B3GALT1: variants seen among roughly 807,000 people sequenced by gnomAD.
B3GALT1 encodes the protein UDP-Gal:betaGlcNAc beta 1,3-galactosyltransferase, polypeptide 1.
A neutral mutation model predicts 23.2 loss-of-function variants in B3GALT1; 10 were observed. The ratio of observed to expected loss-of-function variants is 0.43; its 90% confidence interval spans 0.27 to 0.73. The LOEUF is 0.73. Ranked by LOEUF, B3GALT1 falls within the 30% of genes least tolerant of loss-of-function variation. The pLI, the probability that B3GALT1 is intolerant of heterozygous loss-of-function variation, is 0.21. For synonymous variants in B3GALT1, 156 were observed against 141.5 expected (o/e 1.10, Z -0.73); for missense variants, 299 against 405.4 (o/e 0.74, Z 2.25).
chr2:167,421,993 C>T (rs1698552309), intron 1 of B3GALT1, among the ~76,000 whole-genome samples: 1 of 150,942 alleles, frequency 6.6e-6, no homozygotes, highest in South Asian at 2.1e-4. Context: ...TTCTAACTCC[C>T]AGTGTGATGG....
Position 167,872,130 on chromosome 2 carries a change from C to T in B3GALT1, c.*2110C>T, listed in dbSNP as rs1021989101. 1 of 151,756 alleles carries T rather than the reference C, an allele frequency of 6.6e-6. No homozygotes were observed. The highest frequency in any genetic ancestry group is 2.4e-5 in the African/African-American group (1 of 41,320). The allele number at this position is 151,756 out of a possible 1,614,324, so 9.4% of individuals were successfully genotyped here. On this transcript the variant is annotated 3_prime_UTR_variant, in exon 5 of 5. Transcript: ENST00000392690. ...TGTTAGCCAGGATGGTCTCGATCTCCTGACCTCGTGATCCGCCCGCCTCGG... is the reference window on the plus strand; with the variant it reads ...TGTTAGCCAGGATGGTCTCGATCTCTTGACCTCGTGATCCGCCCGCCTCGG...
intron 2 of B3GALT1, among the ~76,000 whole-genome samples, chr2:167,620,892 C>T (rs1558927111): frequency 2.0e-5 from 3 of 151,902 alleles, no homozygotes; most frequent in Non-Finnish European, 4.4e-5. Flanking sequence ...AATATTAATA[C>T]TAATCAGCCT....
chr2:167,855,862 T>G (rs1689991508), intron 4 of B3GALT1, among the ~76,000 whole-genome samples: 1 of 152,124 alleles, frequency 6.6e-6, no homozygotes, highest in African/African-American at 2.4e-5. Context: ...GCAAATAGCT[T>G]GGAATTTCTT....
intron 2 of B3GALT1, among the ~76,000 whole-genome samples, chr2:167,602,300 C>T (rs1395200177): frequency 6.6e-6 from 1 of 152,034 alleles, no homozygotes; most frequent in African/African-American, 2.4e-5. Context: ...TAAATGAGCT[C>T]CCAGCAAAGA....
intron 1 of B3GALT1, among the ~76,000 whole-genome samples, chr2:167,433,238 T>C (rs1698731063): frequency 6.6e-6 from 1 of 152,172 alleles, no homozygotes; most frequent in Non-Finnish European, 1.5e-5. Context: ...ACATTTAAGT[T>C]TCCTCCATGT....
chr2:167,514,386 T>G (rs544117008), intron 2 of B3GALT1, among the ~76,000 whole-genome samples: 2 of 152,164 alleles, frequency 1.3e-5, no homozygotes, highest in African/African-American at 4.8e-5. Flanking sequence ...TGACATTAAT[T>G]TTTGAACATT....
chr2:167,551,172 C>T (rs1410656361), intron 2 of B3GALT1, among the ~76,000 whole-genome samples: 6 of 152,324 alleles, frequency 3.9e-5, no homozygotes. Context: ...AGAATATAGT[C>T]TACCTGTGTG....
At chr2:167,738,214 C>T (rs76537919) in intron 3 of B3GALT1, among the ~76,000 whole-genome samples, 21,424 of 152,022 alleles carry the variant, frequency 0.14, 1,706 homozygotes, top group South Asian at 0.2. Flanking sequence ...GAAAATGTTT[C>T]GAGAAGCACA....
chr2:167,408,807 A>AACAC (rs1553517665), intron 1 of B3GALT1, among the ~76,000 whole-genome samples: 4 of 138,078 alleles, frequency 2.9e-5, no homozygotes, highest in African/African-American at 1.1e-4. Flanking sequence ...ACAAAAAAAA[A>AACAC]AAAAAACAAA....
chr2:167,634,403 A>T (rs183190707), intron 2 of B3GALT1, among the ~76,000 whole-genome samples: 92 of 152,262 alleles, frequency 6.0e-4, no homozygotes, highest in African/African-American at 2.1e-3. Flanking sequence ...AAATCAATGA[A>T]TCCAGGAGCT....
chr2:167,686,876 C>G (rs1414108746), intron 3 of B3GALT1, among the ~76,000 whole-genome samples: 1 of 152,202 alleles, frequency 6.6e-6, no homozygotes, highest in African/African-American at 2.4e-5. Flanking sequence ...AGCAGCACGT[C>G]AGGCCCTCTG....
At chr2:167,827,487 G>A (rs914495298) in intron 4 of B3GALT1, among the ~76,000 whole-genome samples, 3 of 152,190 alleles carry the variant, frequency 2.0e-5, no homozygotes, top group Non-Finnish European at 2.9e-5. Flanking sequence ...ACCTAGGTGA[G>A]ACTGAATGGG....
chr2:167,640,668 A>G (rs1007265256), intron 2 of B3GALT1, among the ~76,000 whole-genome samples: 2 of 152,098 alleles, frequency 1.3e-5, no homozygotes, highest in African/African-American at 2.4e-5. Flanking sequence ...GAATAGTATT[A>G]TTAAAAACAT....
At chr2:167,708,598 T>C (rs2105516170) in intron 3 of B3GALT1, among the ~76,000 whole-genome samples, 1 of 152,158 alleles carries the variant, frequency 6.6e-6, no homozygotes, top group East Asian at 1.9e-4. Context: ...GAAGCAGAGG[T>C]TGCGGTGAGC....
chr2:167,536,712 C>A (rs1683434180), intron 2 of B3GALT1, among the ~76,000 whole-genome samples: 1 of 152,104 alleles, frequency 6.6e-6, no homozygotes, highest in South Asian at 2.1e-4. Flanking sequence ...ATATGTCCCC[C>A]TAAAGACTCC....
intron 2 of B3GALT1, among the ~76,000 whole-genome samples, chr2:167,512,441 C>T (rs1382391904): frequency 6.7e-6 from 1 of 148,240 alleles, no homozygotes; most frequent in Non-Finnish European, 1.5e-5. Flanking sequence ...AATAAACCCA[C>T]TTTTGTTTAT....
At chr2:167,858,257 GCT>G (rs1690035405) in intron 4 of B3GALT1, among the ~76,000 whole-genome samples, 1 of 149,952 alleles carries the variant, frequency 6.7e-6, no homozygotes, top group Non-Finnish European at 1.5e-5. Context: ...TTTAATATAG[GCT>G]CTGTCAAGTA....
At chr2:167,847,271 A>T (rs1319084782) in intron 4 of B3GALT1, among the ~76,000 whole-genome samples, 2 of 152,108 alleles carry the variant, frequency 1.3e-5, no homozygotes, top group African/African-American at 4.8e-5. Context: ...TCATCCAACA[A>T]CCACAGAATA....
chr2:167,371,069 A>T (rs1302507509), intron 1 of B3GALT1, among the ~76,000 whole-genome samples: 1 of 152,202 alleles, frequency 6.6e-6, no homozygotes, highest in African/African-American at 2.4e-5. Context: ...GTAGAGATTG[A>T]TCCCTTGGAG....
Sources: allele counts gnomAD v4.1 joint callset (sites outside exome capture counted in the v4.1 genomes callset), GRCh38; gene constraint gnomAD v4.1.1; transcripts MANE v1.5; gene names NCBI Gene and HGNC (gene_info 2026-07-23, HGNC 2026-07-21).